Variants in CATSPERT observed in about 807,000 individuals in gnomAD.
The protein encoded by CATSPERT is cation channel sperm-associated targeting subunit tau.
chr2:201,601,849 T>C, the CATSPERT span: 8 of 1,605,960 alleles, frequency 5.0e-6, no homozygotes, highest in Non-Finnish European at 6.8e-6. Flanking sequence ...TTTATAGAGA[T>C]GCGAATGAAT....
the CATSPERT span, among the ~76,000 whole-genome samples, chr2:201,530,479 A>T: frequency 6.6e-6 from 1 of 152,234 alleles, no homozygotes; most frequent in African/African-American, 2.4e-5. Context: ...TTTCACATGC[A>T]TGGTTTTGGT....
At chr2:201,605,210 T>C in the CATSPERT span, among the ~76,000 whole-genome samples, 7 of 147,598 alleles carry the variant, frequency 4.7e-5, no homozygotes, top group Admixed American at 6.7e-5. Context: ...CAGAGAGGAG[T>C]AGGGAACACA....
At chr2:201,618,156 C>A in the CATSPERT span, among the ~76,000 whole-genome samples, 1 of 152,280 alleles carries the variant, frequency 6.6e-6, no homozygotes, top group East Asian at 1.9e-4. Flanking sequence ...TGTGGCGATT[C>A]CTCAAGGGTC....
the CATSPERT span, among the ~76,000 whole-genome samples, chr2:201,522,677 C>T: frequency 6.6e-6 from 1 of 152,196 alleles, no homozygotes; most frequent in Admixed American, 6.5e-5. Flanking sequence ...GCAGGGAGAG[C>T]TGCTTGGAGA....
At chr2:201,566,510 C>G in the CATSPERT span, among the ~76,000 whole-genome samples, 1 of 151,900 alleles carries the variant, frequency 6.6e-6, no homozygotes, top group Admixed American at 6.5e-5. Context: ...CCAGCTTCAC[C>G]CATGTCCCTG....
chr2:201,489,995 T>TA, the CATSPERT span, among the ~76,000 whole-genome samples: 12 of 152,110 alleles, frequency 7.9e-5, no homozygotes, highest in African/African-American at 2.9e-4. Flanking sequence ...TAGCTGGGAT[T>TA]ACAGGCGTGC....
chr2:201,503,818 T>C, the CATSPERT span, among the ~76,000 whole-genome samples: 1 of 152,226 alleles, frequency 6.6e-6, no homozygotes, highest in African/African-American at 2.4e-5. Context: ...TTTAAATTAC[T>C]TGGAATTAGT....
chr2:201,491,679 A>C, the CATSPERT span: 3 of 1,537,090 alleles, frequency 2.0e-6, no homozygotes, highest in Non-Finnish European at 1.7e-6. Context: ...TGGCATTAGG[A>C]ATTCTTGGAT....
the CATSPERT span, among the ~76,000 whole-genome samples, chr2:201,498,496 C>T: frequency 6.6e-6 from 1 of 152,126 alleles, no homozygotes. Flanking sequence ...ACTGACTGGA[C>T]AGTGCCCACC....
the CATSPERT span, among the ~76,000 whole-genome samples, chr2:201,592,590 G>A: frequency 6.7e-5 from 10 of 150,360 alleles, no homozygotes; most frequent in South Asian, 1.3e-3. Context: ...GGTAGAATTC[G>A]GCTGTGAATC....
the CATSPERT span, among the ~76,000 whole-genome samples, chr2:201,566,257 T>C: frequency 6.6e-6 from 1 of 151,950 alleles, no homozygotes; most frequent in African/African-American, 2.4e-5. Flanking sequence ...GTGCACAATG[T>C]TCAGGTTTGT....
At chr2:201,581,477 AATATATATATATATATATATATATAT>A in the CATSPERT span, among the ~76,000 whole-genome samples, 13 of 14,860 alleles carry the variant, frequency 8.7e-4, 1 homozygote, top group South Asian at 3.0e-3. Flanking sequence ...CACATTCCGG[AATATATATATATATATATATATATAT>A]ATATATATAT....
the CATSPERT span, chr2:201,545,629 C>CAAAAAGA: frequency 1.4e-5 from 2 of 143,212 alleles, no homozygotes; most frequent in Admixed American, 1.6e-4. Flanking sequence ...TTCCTAGAAG[C>CAAAAAGA]AAAAAAAAAA....
the CATSPERT span, among the ~76,000 whole-genome samples, chr2:201,594,341 G>A: frequency 1.4e-4 from 22 of 152,306 alleles, no homozygotes; most frequent in African/African-American, 5.1e-4. Context: ...TTTCTGCCGA[G>A]AGATCCACTG....
the CATSPERT span, among the ~76,000 whole-genome samples, chr2:201,514,748 T>G: frequency 2.0e-5 from 3 of 152,066 alleles, no homozygotes; most frequent in African/African-American, 7.2e-5. Flanking sequence ...ATGAAATCAA[T>G]TTTTGGATCT....
At chr2:201,587,143 T>C in the CATSPERT span, among the ~76,000 whole-genome samples, 1 of 152,190 alleles carries the variant, frequency 6.6e-6, no homozygotes, top group South Asian at 2.1e-4. Context: ...CCTCATTCTC[T>C]GTGCTATTCT....
the CATSPERT span, among the ~76,000 whole-genome samples, chr2:201,499,670 C>CA: frequency 2.6e-5 from 4 of 151,732 alleles, no homozygotes; most frequent in South Asian, 6.2e-4. Context: ...CTTGTCTCTA[C>CA]AAAAAATACA....
chr2:201,538,995 T>C, the CATSPERT span, among the ~76,000 whole-genome samples: 1 of 152,222 alleles, frequency 6.6e-6, no homozygotes, highest in African/African-American at 2.4e-5. Flanking sequence ...AAGGACATGA[T>C]CTCATTCTTT....
the CATSPERT span, among the ~76,000 whole-genome samples, chr2:201,506,517 G>A: frequency 6.6e-6 from 1 of 152,098 alleles, no homozygotes. Flanking sequence ...TTCCTCCACA[G>A]GGGTCAGCAT....
Sources: gnomAD v4.1 joint callset for allele counts (sites outside exome capture counted in the v4.1 genomes callset) on GRCh38, gnomAD v4.1.1 for gene constraint, MANE v1.5 for transcripts, NCBI Gene and HGNC (gene_info 2026-07-23, HGNC 2026-07-21) for gene names.